The following ERICH1 variants were observed in gnomAD, a reference collection of about 807,000 sequenced individuals.
The protein encoded by ERICH1 is glutamate-rich protein 1.
Under a neutral mutation model 39.6 loss-of-function variants are expected in ERICH1, and 56 were observed. The ratio of observed to expected loss-of-function variants is 1.41; its 90% CI spans 1.14 to 1.77. The LOEUF (loss-of-function observed/expected upper bound fraction) is 1.77, where lower values mean the gene tolerates loss of function less well. Among genes scored for constraint, ERICH1 ranks in the 40% most tolerant of loss-of-function variants. The pLI, the probability that ERICH1 is intolerant of heterozygous loss-of-function variation, is 0.00. For missense variants in ERICH1, 826 were observed against 575.4 expected (o/e 1.44, Z -4.45); for synonymous variants, 313 against 223.6 (o/e 1.40, Z -3.57).
intron 1 of ERICH1, among the ~76,000 whole-genome samples, chr8:725,593 G>A (rs962669944): frequency 1.3e-5 from 2 of 152,162 alleles, no homozygotes; most frequent in African/African-American, 2.4e-5. Flanking sequence ...CTCCCAACCT[G>A]CAAGCAGCCG....
At chr8:702,039 T>C (rs1177793475) in intron 2 of ERICH1, among the ~76,000 whole-genome samples, 1 of 130,896 alleles carries the variant, frequency 7.6e-6, no homozygotes, top group Non-Finnish European at 1.5e-5. Flanking sequence ...ATTGCACCAC[T>C]GCACTCCAGC....
chr8:660,601 G>A (rs956166281), downstream of ERICH1, among the ~76,000 whole-genome samples: 62 of 152,282 alleles, frequency 4.1e-4, no homozygotes, highest in African/African-American at 1.4e-3. Flanking sequence ...GGCGGCAAAT[G>A]GTGTCGTTTC....
At chr8:634,719 G>C (rs1369634086) in intron 3 of ERICH1, among the ~76,000 whole-genome samples, 1 of 152,182 alleles carries the variant, frequency 6.6e-6, no homozygotes, top group Non-Finnish European at 1.5e-5. Context: ...GTGTGAGAGG[G>C]GCCGCTGTGA....
At chr8:710,540 G>A (rs1421456200) in intron 2 of ERICH1, among the ~76,000 whole-genome samples, 1 of 152,186 alleles carries the variant, frequency 6.6e-6, no homozygotes, top group East Asian at 1.9e-4. Context: ...GGCTCCACCT[G>A]CTCCTCCCAG....
downstream of ERICH1, among the ~76,000 whole-genome samples, chr8:660,959 C>T (rs1801345768): frequency 6.6e-6 from 1 of 152,178 alleles, no homozygotes; most frequent in Non-Finnish European, 1.5e-5. Context: ...TCCTGGGATA[C>T]CTGCTCCTCC....
At chr8:620,141 G>A (rs1464417805) in intron 3 of ERICH1, among the ~76,000 whole-genome samples, 9 of 151,240 alleles carry the variant, frequency 6.0e-5, no homozygotes, top group Non-Finnish European at 8.8e-5. Context: ...GTGAAACCTC[G>A]TCTCTACTAA....
intron 3 of ERICH1, among the ~76,000 whole-genome samples, chr8:687,829 A>G (rs1048479283): frequency 6.6e-6 from 1 of 152,106 alleles, no homozygotes; most frequent in Admixed American, 6.5e-5. Flanking sequence ...CGAGGCGCGG[A>G]GAGGCCCCGG....
chr8:706,683 C>G (rs188407745), intron 2 of ERICH1, among the ~76,000 whole-genome samples: 12 of 152,050 alleles, frequency 7.9e-5, no homozygotes, highest in African/African-American at 2.7e-4. Context: ...GGCTGGAGAA[C>G]TGCTTAAACC....
At position 630,260 on chromosome 8, in the gene ERICH1, C is replaced by T. The variant is rs530854010; in HGVS notation, c.977-14976G>A. The stretch of plus-strand genomic sequence containing the variant: ...CAGACAGAGCTGACTCACACCCTCC[C>T]GTGACCACCCACAGGCAGAGGTGAC... On this transcript the variant is annotated intron_variant, in intron 3 of 3. Transcript: ENST00000522706. Among the ~76,000 whole-genome samples the T allele has an allele frequency of 3.3e-3, 395 of 118,566 alleles. 34 individuals are homozygous for T. Among genetic ancestry groups the T allele is most frequent in the African/African-American group, 0.013 (354 of 28,112 alleles). 77.8% of individuals were successfully genotyped at this position (118,566 alleles called of 152,430 possible).
intron 2 of ERICH1, among the ~76,000 whole-genome samples, chr8:697,483 T>C (rs751987421): frequency 3.9e-5 from 6 of 152,152 alleles, no homozygotes; most frequent in Non-Finnish European, 8.8e-5. Flanking sequence ...AGAAAGAAGC[T>C]TGGCTCAGAC....
At chr8:714,820 C>A (rs1394227811) in intron 2 of ERICH1, among the ~76,000 whole-genome samples, 1 of 152,156 alleles carries the variant, frequency 6.6e-6, no homozygotes, top group Non-Finnish European at 1.5e-5. Flanking sequence ...CCCAGATGTT[C>A]TCATCCCACG....
chr8:623,306 G>C (rs1428634149), intron 3 of ERICH1, among the ~76,000 whole-genome samples: 1 of 152,180 alleles, frequency 6.6e-6, no homozygotes, highest in Non-Finnish European at 1.5e-5. Context: ...CTTCCCAATA[G>C]ACGCAGGAAA....
intron 1 of ERICH1, among the ~76,000 whole-genome samples, chr8:727,491 G>C (rs549588119): frequency 2.0e-5 from 3 of 152,240 alleles, no homozygotes; most frequent in Non-Finnish European, 4.4e-5. Context: ...TTCATCTGAG[G>C]AGTCTCAGGA....
intron 3 of ERICH1, among the ~76,000 whole-genome samples, chr8:640,186 T>C (rs1304568621): frequency 6.6e-6 from 1 of 152,146 alleles, no homozygotes; most frequent in African/African-American, 2.4e-5. Context: ...TGCCGCCTAA[T>C]CAAAGGACCC....
intron 5 of ERICH1, chr8:667,341 G>A (rs10093740): frequency 0.19 from 28,713 of 153,518 alleles, 3,264 homozygotes; most frequent in Middle Eastern, 0.33. Flanking sequence ...TCCAGCCACC[G>A]GGCTCCTCGC....
At chr8:622,279 C>T (rs1393151222) in intron 3 of ERICH1, among the ~76,000 whole-genome samples, 1 of 151,788 alleles carries the variant, frequency 6.6e-6, no homozygotes, top group African/African-American at 2.4e-5. Context: ...TTGTATCCAC[C>T]CCCCATTTAT....
At chr8:625,685 T>C (rs184674505) in intron 3 of ERICH1, 16 of 152,372 alleles carry the variant, frequency 1.1e-4, no homozygotes, top group Middle Eastern at 6.8e-3. Flanking sequence ...ACATCTTCTT[T>C]AGACAGAAAT....
At chr8:729,860 T>C (rs147878745) in intron 1 of ERICH1, among the ~76,000 whole-genome samples, 158 of 152,306 alleles carry the variant, frequency 1.0e-3, no homozygotes, top group African/African-American at 3.6e-3. Flanking sequence ...CTATAATAAT[T>C]TCTTGCATAG....
At chr8:722,765 G>A (rs775761915) in intron 1 of ERICH1, among the ~76,000 whole-genome samples, 34 of 152,306 alleles carry the variant, frequency 2.2e-4, no homozygotes, top group Admixed American at 4.6e-4. Flanking sequence ...GAGAAAATAC[G>A]TGTACAGCTT....
Sources: gnomAD v4.1 joint callset for allele counts (sites outside exome capture counted in the v4.1 genomes callset) on GRCh38, gnomAD v4.1.1 for gene constraint, MANE v1.5 for transcripts, NCBI Gene and HGNC (gene_info 2026-07-23, HGNC 2026-07-21) for gene names.